The following DPP6 variants were observed in gnomAD, a reference collection of about 807,000 sequenced individuals.
DPP6 encodes dipeptidyl peptidase like 6.
In DPP6, 69 loss-of-function variants were observed where a neutral mutation model predicts 122.6. The observed-to-expected ratio is 0.56, with a 90% CI of 0.46 to 0.69. The LOEUF is 0.69. Ranked by LOEUF, DPP6 falls within the 30% of genes least tolerant of loss-of-function variation. The pLI is 0.00. For missense variants in DPP6, 928 were observed against 1,116.9 expected (o/e 0.83, Z 2.41); for synonymous variants, 418 against 433.1 (o/e 0.97, Z 0.43).
At chr7:154,269,051 G>GT (rs922908655) in intron 1 of DPP6, among the ~76,000 whole-genome samples, 45 of 148,122 alleles carry the variant, frequency 3.0e-4, no homozygotes, top group African/African-American at 5.5e-4. Flanking sequence ...CTAAGTATAT[G>GT]TTTTTTTTTC....
chr7:154,305,159 A>T (rs1806207847), intron 1 of DPP6: 2 of 804,880 alleles, frequency 2.5e-6, no homozygotes, highest in South Asian at 5.4e-5. Flanking sequence ...AGCGCGCATC[A>T]CTCGGGTCCC....
At chr7:154,460,272 G>A (rs538340627) in intron 2 of DPP6, among the ~76,000 whole-genome samples, 85 of 152,228 alleles carry the variant, frequency 5.6e-4, no homozygotes, top group Middle Eastern at 3.4e-3. Context: ...ATGAGCCACC[G>A]TGCCTGGCCT....
At position 154,579,807 on chromosome 7, in the gene DPP6, G is replaced by A. The variant is rs185968946; in HGVS notation, c.627+12891G>A. Reference sequence around the variant, plus strand: ...CCTCTGGATGGTTTCTGAACTGTGGGAACTCCCCCATGTGCATTGATGGGA... The same window carrying A: ...CCTCTGGATGGTTTCTGAACTGTGGAAACTCCCCCATGTGCATTGATGGGA... On this transcript the variant is annotated intron_variant, in intron 5 of 25. Transcript: ENST00000377770. Among the ~76,000 whole-genome samples, 453 of 152,232 alleles carry A rather than the reference G, an allele frequency of 3.0e-3. 1 individual carries two copies. The highest frequency in any genetic ancestry group is 0.01 in the African/African-American group (426 of 41,532).
At chr7:154,714,872 G>A (rs1049058461) in intron 7 of DPP6, among the ~76,000 whole-genome samples, 3 of 152,184 alleles carry the variant, frequency 2.0e-5, no homozygotes, top group African/African-American at 4.8e-5. Context: ...GCCCAAGGTA[G>A]ACTGAGTGGG....
intron 4 of DPP6, among the ~76,000 whole-genome samples, chr7:154,541,559 A>G (rs1434148466): frequency 6.6e-6 from 1 of 152,236 alleles, no homozygotes; most frequent in African/African-American, 2.4e-5. Context: ...TTGTTTACAA[A>G]ATGTTCAGAC....
intron 4 of DPP6, among the ~76,000 whole-genome samples, chr7:154,548,825 G>C (rs1186476082): frequency 6.6e-6 from 1 of 152,206 alleles, no homozygotes; most frequent in East Asian, 1.9e-4. Flanking sequence ...TTAATCCAAT[G>C]TGCAATGAGA....
At chr7:154,015,897 C>A (rs1798382523) in intron 1 of DPP6, among the ~76,000 whole-genome samples, 1 of 152,150 alleles carries the variant, frequency 6.6e-6, no homozygotes, top group Non-Finnish European at 1.5e-5. Context: ...CCCTGGAGTA[C>A]CTGGCCTCCT....
intron 1 of DPP6, among the ~76,000 whole-genome samples, chr7:154,129,836 C>T (rs1435395170): frequency 2.6e-5 from 4 of 151,508 alleles, no homozygotes; most frequent in East Asian, 1.9e-4. Flanking sequence ...GGAGGCAGAG[C>T]TTGCAGTGAG....
In DPP6 at chr7:153,994,976, A is replaced by G. The variant is rs150949866; in HGVS notation, c.51+107242A>G. ...TATTTACTTTGAGTTTGTCTTCTCAATATGTGATTTTTAGAAACTTCAAAA... is the reference window on the plus strand; with the variant it reads ...TATTTACTTTGAGTTTGTCTTCTCAGTATGTGATTTTTAGAAACTTCAAAA... On this transcript the variant is annotated intron_variant, in intron 1 of 25. Coordinates refer to the DPP6 transcript ENST00000404039. 4.0e-3 allele frequency among the ~76,000 whole-genome samples: 609 copies of G among 152,328 alleles called. 3 individuals are homozygous for G. The highest frequency in any genetic ancestry group is 0.014 in the African/African-American group (581 of 41,572).
At chr7:154,645,400 C>A (rs1413153641) in intron 6 of DPP6, among the ~76,000 whole-genome samples, 1 of 152,016 alleles carries the variant, frequency 6.6e-6, no homozygotes, top group Non-Finnish European at 1.5e-5. Context: ...GAACTGTGAA[C>A]AACTCATACA....
intron 3 of DPP6, among the ~76,000 whole-genome samples, chr7:154,524,057 A>G (rs1827213783): frequency 6.6e-6 from 1 of 152,224 alleles, no homozygotes; most frequent in African/African-American, 2.4e-5. Flanking sequence ...TGAAAGGTGG[A>G]ACTCTCCTTC....
the DPP6 span, among the ~76,000 whole-genome samples, chr7:153,816,801 C>T: frequency 6.6e-6 from 1 of 151,918 alleles, no homozygotes; most frequent in African/African-American, 2.4e-5. Context: ...GGAGCAGCTA[C>T]ACAGAGAAAT....
intron 6 of DPP6, among the ~76,000 whole-genome samples, chr7:154,650,862 G>A (rs1418787811): frequency 6.6e-6 from 1 of 152,216 alleles, no homozygotes; most frequent in Admixed American, 6.5e-5. Flanking sequence ...CTACCTAGTA[G>A]AGGGAGGTTG....
intron 6 of DPP6, among the ~76,000 whole-genome samples, chr7:154,641,091 C>T (rs1586791141): frequency 6.6e-6 from 1 of 152,128 alleles, no homozygotes; most frequent in Non-Finnish European, 1.5e-5. Context: ...ACCCCTTTCC[C>T]ATCCCCCTCT....
At chr7:154,562,117 A>G (rs115780621) in intron 4 of DPP6, among the ~76,000 whole-genome samples, 1,566 of 152,270 alleles carry the variant, frequency 0.01, 26 homozygotes, top group African/African-American at 0.034. Flanking sequence ...ACCCTGAAAT[A>G]AAAACCAAAC....
At chr7:153,960,626 CCTGT>C (rs1250096140) in intron 1 of DPP6, among the ~76,000 whole-genome samples, 9 of 66,894 alleles carry the variant, frequency 1.3e-4, no homozygotes, top group South Asian at 7.1e-4. Flanking sequence ...AGCTTAGCAG[CCTGT>C]CTGTGTGTGC....
At chr7:154,762,064 T>C (rs1045741814) in intron 8 of DPP6, among the ~76,000 whole-genome samples, 1 of 152,198 alleles carries the variant, frequency 6.6e-6, no homozygotes, top group African/African-American at 2.4e-5. Flanking sequence ...ACGGAGTAGA[T>C]GGTGCTAAAC....
intron 10 of DPP6, among the ~76,000 whole-genome samples, chr7:154,774,499 TTAGC>T (rs1214687027): frequency 6.6e-6 from 1 of 152,206 alleles, no homozygotes; most frequent in Non-Finnish European, 1.5e-5. Context: ...ACAGGCTTGA[TTAGC>T]TTCAAGGACA....
intron 1 of DPP6, among the ~76,000 whole-genome samples, chr7:154,384,158 C>A (rs1241300646): frequency 6.6e-6 from 1 of 152,154 alleles, no homozygotes; most frequent in Non-Finnish European, 1.5e-5. Context: ...AGCGTTGGTG[C>A]ACACTGGTGG....
Sources: allele counts gnomAD v4.1 joint callset (sites outside exome capture counted in the v4.1 genomes callset), GRCh38; gene constraint gnomAD v4.1.1; transcripts MANE v1.5; gene names NCBI Gene and HGNC (gene_info 2026-07-23, HGNC 2026-07-21).